PIP4K2A: variants seen among roughly 807,000 people sequenced by gnomAD.
PIP4K2A encodes phosphatidylinositol-5-phosphate 4-kinase type 2 alpha, also known as phosphatidylinositol 5-phosphate 4-kinase type-2 alpha.
A neutral mutation model predicts 42.9 loss-of-function variants in PIP4K2A; 14 were observed. The observed-to-expected ratio is 0.33, with a 90% CI of 0.22 to 0.51. PIP4K2A has a LOEUF of 0.51. Ranked by LOEUF, PIP4K2A falls within the 20% of genes least tolerant of loss-of-function variation. The pLI is 0.97. For missense variants in PIP4K2A, 434 were observed against 519.8 expected (o/e 0.83, Z 1.61); for synonymous variants, 192 against 192.2 (o/e 1.00, Z 0.01).
At chr10:22,687,701 TA>T (rs1362250784) in intron 1 of PIP4K2A, among the ~76,000 whole-genome samples, 1 of 152,184 alleles carries the variant, frequency 6.6e-6, no homozygotes, top group African/African-American at 2.4e-5. Flanking sequence ...GCTTTGCATA[TA>T]ATCTGCACAC....
intron 4 of PIP4K2A, among the ~76,000 whole-genome samples, chr10:22,579,193 C>T (rs79533294): frequency 0.064 from 9,781 of 152,030 alleles, 418 homozygotes; most frequent in Middle Eastern, 0.15. Context: ...GGGGAGAATT[C>T]GGAAATGGTC....
intron 1 of PIP4K2A, among the ~76,000 whole-genome samples, chr10:22,637,702 C>T (rs1446022241): frequency 1.3e-5 from 2 of 152,212 alleles, no homozygotes; most frequent in African/African-American, 2.4e-5. Context: ...CAAAAGGCTG[C>T]AGCAACCATG....
intron 1 of PIP4K2A, chr10:22,646,320 T>C (rs1349713860): frequency 6.6e-6 from 1 of 152,234 alleles, no homozygotes; most frequent in Non-Finnish European, 1.5e-5. Flanking sequence ...TAAGATTTCC[T>C]TGGACTTTTG....
chr10:22,558,162 A>C (rs1409133013), intron 6 of PIP4K2A, among the ~76,000 whole-genome samples: 1 of 152,196 alleles, frequency 6.6e-6, no homozygotes, highest in African/African-American at 2.4e-5. Flanking sequence ...GCTCCACATA[A>C]AAAATACGTA....
In PIP4K2A at chr10:22,608,413, G is replaced by C. The variant is rs567146324; in HGVS notation, c.243-390C>G. On this transcript the variant is annotated intron_variant, in intron 2 of 9. Transcript: ENST00000376573. ...AGGTTCCCTCTCAGCTACTGCTGAG[G>C]AAAGGAGGGCCACTCCCTCACCCCC... is the stretch of plus-strand genomic sequence containing the variant. Among the ~76,000 whole-genome samples the C allele has an allele frequency of 9.2e-5, 14 of 152,296 alleles. No homozygotes were observed. The East Asian group carries it at 2.5e-3, about 27-fold the overall frequency.
intron 1 of PIP4K2A, among the ~76,000 whole-genome samples, chr10:22,623,545 C>T (rs889516389): frequency 4.0e-5 from 6 of 151,462 alleles, no homozygotes; most frequent in Admixed American, 3.3e-4. Flanking sequence ...CCAATGTGAG[C>T]GTCATGAGCT....
intron 1 of PIP4K2A, among the ~76,000 whole-genome samples, chr10:22,646,964 AAAAC>A (rs1838898654): frequency 6.6e-6 from 1 of 151,586 alleles, no homozygotes; most frequent in Non-Finnish European, 1.5e-5. Flanking sequence ...AAAACAAAAA[AAAAC>A]AAACCAGGAT....
In PIP4K2A at chr10:22,669,266, G is replaced by A. The variant is rs181388077; in HGVS notation, c.144+44917C>T. Among the ~76,000 whole-genome samples the A allele has an allele frequency of 2.6e-5, 4 of 152,206 alleles. No individual in the cohort carries two copies. The East Asian group carries it at 5.8e-4, about 22-fold the overall frequency. ...GGAAAGGTATGTATAGTTATGAGCC[G>A]CATAACGACACTGCAGTCAAGGACA... On this transcript the variant is annotated intron_variant, in intron 1 of 9. Transcript: ENST00000376573.
intron 1 of PIP4K2A, among the ~76,000 whole-genome samples, chr10:22,629,663 T>G (rs772996005): frequency 7.9e-5 from 12 of 152,238 alleles, no homozygotes; most frequent in Non-Finnish European, 1.6e-4. Flanking sequence ...TTAGGAAATG[T>G]CATTTTCCTA....
At chr10:22,639,183 T>C (rs1838726970) in intron 1 of PIP4K2A, among the ~76,000 whole-genome samples, 1 of 152,010 alleles carries the variant, frequency 6.6e-6, no homozygotes, top group Non-Finnish European at 1.5e-5. Context: ...GCACATCAAT[T>C]AGCCAATAAA....
chr10:22,577,750 C>T (rs1158514794), intron 4 of PIP4K2A, among the ~76,000 whole-genome samples: 1 of 152,198 alleles, frequency 6.6e-6, no homozygotes, highest in Non-Finnish European at 1.5e-5. Flanking sequence ...CCCTCTCAGT[C>T]CAGGATCCTC....
At chr10:22,586,298 G>A (rs1343369037) in intron 4 of PIP4K2A, among the ~76,000 whole-genome samples, 1 of 152,106 alleles carries the variant, frequency 6.6e-6, no homozygotes, top group Admixed American at 6.5e-5. Flanking sequence ...ATTTGGGCAG[G>A]AAATAAAGAA....
At chr10:22,543,196 A>G (rs1402158229) in intron 7 of PIP4K2A, among the ~76,000 whole-genome samples, 1 of 152,152 alleles carries the variant, frequency 6.6e-6, no homozygotes, top group Admixed American at 6.5e-5. Context: ...AGAAGCCCCG[A>G]TTCCTTACAG....
At chr10:22,543,021 G>A (rs745907934) in intron 7 of PIP4K2A, among the ~76,000 whole-genome samples, 1 of 152,174 alleles carries the variant, frequency 6.6e-6, no homozygotes, top group Non-Finnish European at 1.5e-5. Context: ...AGCAGCCTCT[G>A]GGCTATGCTG....
rs2130725981 is a variant in PIP4K2A, at chr10:22,535,680, G to C, written c.*1521C>G. ...ATGGCTTTAGCGCAGCATGTAAGTG[G>C]ATAACCTACTCTAAGCAAGACTAAT... On this transcript the variant is annotated 3_prime_UTR_variant, in exon 10 of 10. Transcript: ENST00000376573. 6.3e-6 allele frequency: 1 copy of C among 159,040 alleles called. No homozygotes were observed. The highest frequency in any genetic ancestry group is 6.5e-5 in the Admixed American group (1 of 15,472). 9.9% of individuals were successfully genotyped at this position (159,040 alleles called of 1,614,324 possible). A position where few individuals can be genotyped will look rare whatever the true frequency, so the allele number is the denominator to read the frequency against.
chr10:22,687,199 T>G (rs1839783334), intron 1 of PIP4K2A, among the ~76,000 whole-genome samples: 1 of 151,300 alleles, frequency 6.6e-6, no homozygotes, highest in African/African-American at 2.4e-5. Context: ...AGAGAAACCC[T>G]TCCTGAGACC....
chr10:22,540,495 A>C (rs974772377), intron 8 of PIP4K2A, among the ~76,000 whole-genome samples: 1 of 152,206 alleles, frequency 6.6e-6, no homozygotes, highest in South Asian at 2.1e-4. Context: ...AAATGGTAGA[A>C]CTGTTCATAA....
At chr10:22,589,190 T>C (rs982749709) in intron 4 of PIP4K2A, among the ~76,000 whole-genome samples, 3 of 152,246 alleles carry the variant, frequency 2.0e-5, no homozygotes, top group African/African-American at 7.2e-5. Context: ...TCATGAGATA[T>C]CACTTCGCTT....
intron 1 of PIP4K2A, among the ~76,000 whole-genome samples, chr10:22,640,139 T>G (rs1039512787): frequency 6.6e-6 from 1 of 151,736 alleles, no homozygotes; most frequent in Non-Finnish European, 1.5e-5. Context: ...GTGTTTTGAA[T>G]GATCACTTTT....
Sources: allele counts gnomAD v4.1 joint callset (sites outside exome capture counted in the v4.1 genomes callset), GRCh38; gene constraint gnomAD v4.1.1; transcripts MANE v1.5; gene names NCBI Gene and HGNC (gene_info 2026-07-23, HGNC 2026-07-21).